LMX1A: variants seen among roughly 807,000 people sequenced by gnomAD.
The protein encoded by LMX1A is LIM homeobox transcription factor 1-alpha.
A neutral mutation model predicts 49.1 loss-of-function variants in LMX1A; 15 were observed. The observed-to-expected ratio is 0.31, with a 90% CI of 0.20 to 0.47. The LOEUF (loss-of-function observed/expected upper bound fraction) is 0.47, where lower values mean the gene tolerates loss of function less well. LMX1A is among the 20% of genes least tolerant of loss of function. The probability of loss-of-function intolerance (pLI) is 1.00; values close to 1 mark genes in which losing one functional copy is unlikely to be tolerated. For missense variants in LMX1A, 372 were observed against 475.8 expected, an observed-to-expected ratio of 0.78 and a Z score of 2.03; for synonymous variants, 167 against 185.7, an observed-to-expected ratio of 0.90 and a Z score of 0.82.
At chr1:165,354,505 C>G (rs543090640) in intron 2 of LMX1A, among the ~76,000 whole-genome samples, 29 of 152,110 alleles carry the variant, frequency 1.9e-4, no homozygotes, top group Non-Finnish European at 3.4e-4. Flanking sequence ...CGCTCTCTTC[C>G]GAGGCTGGGC....
At chr1:165,315,584 C>A (rs566549217) in intron 3 of LMX1A, among the ~76,000 whole-genome samples, 1 of 152,330 alleles carries the variant, frequency 6.6e-6, no homozygotes, top group African/African-American at 2.4e-5. Flanking sequence ...GGTCCGTAAT[C>A]CAACACTGTA....
At chr1:165,263,771 G>T (rs1392121327) in intron 3 of LMX1A, among the ~76,000 whole-genome samples, 2 of 152,140 alleles carry the variant, frequency 1.3e-5, no homozygotes, top group Non-Finnish European at 2.9e-5. Flanking sequence ...TAAGTAATTT[G>T]CTCAATTTTA....
chr1:165,223,345 A>T (rs552514178), intron 4 of LMX1A, among the ~76,000 whole-genome samples: 63 of 152,330 alleles, frequency 4.1e-4, no homozygotes, highest in African/African-American at 1.4e-3. Flanking sequence ...ACTGGCTAAG[A>T]AACTCAAACT....
chr1:165,342,297 C>T (rs919603747), intron 3 of LMX1A, among the ~76,000 whole-genome samples: 17 of 152,108 alleles, frequency 1.1e-4, no homozygotes, highest in Admixed American at 9.8e-4. Flanking sequence ...CAGAAGAAAA[C>T]TTGGAAAGGG....
chr1:165,246,596 C>T (rs1652856226), intron 4 of LMX1A, among the ~76,000 whole-genome samples: 1 of 152,112 alleles, frequency 6.6e-6, no homozygotes, highest in Non-Finnish European at 1.5e-5. Context: ...TTCCCTGTAC[C>T]TTTCTATCTA....
chr1:165,222,995 A>T (rs778368848), intron 4 of LMX1A, among the ~76,000 whole-genome samples: 11 of 152,062 alleles, frequency 7.2e-5, no homozygotes, highest in Non-Finnish European at 1.3e-4. Context: ...ATGGAGATTC[A>T]CTGCTAATGA....
intron 3 of LMX1A, among the ~76,000 whole-genome samples, chr1:165,316,033 G>A (rs993298133): frequency 6.6e-6 from 1 of 152,212 alleles, no homozygotes; most frequent in South Asian, 2.1e-4. Flanking sequence ...ATAATAGAGT[G>A]CCAAAGTCAA....
intron 4 of LMX1A, among the ~76,000 whole-genome samples, chr1:165,238,341 C>G (rs1362047493): frequency 6.6e-6 from 1 of 152,152 alleles, no homozygotes; most frequent in Non-Finnish European, 1.5e-5. Context: ...CTGATTTTTC[C>G]TACTACTATC....
chr1:165,316,349 C>A (rs957949032), intron 3 of LMX1A, among the ~76,000 whole-genome samples: 1 of 152,196 alleles, frequency 6.6e-6, no homozygotes, highest in Admixed American at 6.5e-5. Flanking sequence ...GGGAGCACAG[C>A]GTTGCTGCTT....
At chr1:165,229,470 A>T (rs1265176517) in intron 4 of LMX1A, among the ~76,000 whole-genome samples, 3 of 152,222 alleles carry the variant, frequency 2.0e-5, no homozygotes, top group Non-Finnish European at 4.4e-5. Context: ...AGGCAGCACA[A>T]GAGCCCCGCA....
chr1:165,258,872 C>T (rs1653337510), intron 3 of LMX1A, among the ~76,000 whole-genome samples: 1 of 152,188 alleles, frequency 6.6e-6, no homozygotes, highest in South Asian at 2.1e-4. Context: ...TTGGTTCTAT[C>T]TTTAAGAACT....
intron 3 of LMX1A, among the ~76,000 whole-genome samples, chr1:165,298,258 T>C (rs1008373668): frequency 2.6e-5 from 4 of 152,198 alleles, no homozygotes; most frequent in African/African-American, 9.6e-5. Flanking sequence ...GAGAGCTGAT[T>C]TACTGCCGGT....
chr1:165,304,992 A>T (rs1231608225), intron 3 of LMX1A, among the ~76,000 whole-genome samples: 1 of 151,662 alleles, frequency 6.6e-6, no homozygotes, highest in Non-Finnish European at 1.5e-5. Context: ...TTGTTTCATC[A>T]CTCTACACTT....
intron 4 of LMX1A, among the ~76,000 whole-genome samples, chr1:165,222,547 A>C (rs916798678): frequency 1.2e-4 from 18 of 152,222 alleles, no homozygotes; most frequent in African/African-American, 4.3e-4. Context: ...CAAAGGGTTA[A>C]TTATCTCTCC....
At chr1:165,239,619 G>C (rs991771671) in intron 4 of LMX1A, among the ~76,000 whole-genome samples, 3 of 152,178 alleles carry the variant, frequency 2.0e-5, no homozygotes, top group Non-Finnish European at 4.4e-5. Context: ...AGACAAATCT[G>C]TTGATTTTGA....
At chr1:165,251,285 G>C (rs1294533962) in intron 3 of LMX1A, among the ~76,000 whole-genome samples, 2 of 152,158 alleles carry the variant, frequency 1.3e-5, no homozygotes, top group Non-Finnish European at 2.9e-5. Flanking sequence ...GTTTCACCAT[G>C]TTGGTTAGGC....
At chr1:165,295,374 C>T (rs1654585906) in intron 3 of LMX1A, among the ~76,000 whole-genome samples, 1 of 149,852 alleles carries the variant, frequency 6.7e-6, no homozygotes, top group Non-Finnish European at 1.5e-5. Flanking sequence ...TTCATAAGTT[C>T]CAAATTTGCC....
At chr1:165,222,446 G>A (rs1651885271) in intron 4 of LMX1A, among the ~76,000 whole-genome samples, 1 of 152,176 alleles carries the variant, frequency 6.6e-6, no homozygotes, top group Non-Finnish European at 1.5e-5. Flanking sequence ...TCTCTCTTTG[G>A]AGTAGTCCAA....
At chr1:165,237,020 T>C (rs1462888044) in intron 4 of LMX1A, among the ~76,000 whole-genome samples, 8 of 152,166 alleles carry the variant, frequency 5.3e-5, no homozygotes, top group South Asian at 2.1e-4. Context: ...GCACCTACAA[T>C]AGGACTGCTA....
Sources: allele counts gnomAD v4.1 joint callset (sites outside exome capture counted in the v4.1 genomes callset), GRCh38; gene constraint gnomAD v4.1.1; transcripts MANE v1.5; gene names NCBI Gene and HGNC (gene_info 2026-07-23, HGNC 2026-07-21).